Variants in KCNQ5 observed in about 807,000 individuals in gnomAD.
KCNQ5 encodes potassium voltage-gated channel subfamily KQT member 5.
Under a neutral mutation model 98.2 loss-of-function variants are expected in KCNQ5, and 30 were observed. The ratio of observed to expected loss-of-function variants is 0.31; its 90% confidence interval spans 0.23 to 0.41. KCNQ5 has a LOEUF of 0.41. KCNQ5 is among the 10% of genes least tolerant of loss of function. The pLI is 1.00. For synonymous variants in KCNQ5, 458 were observed against 449.4 expected, an observed-to-expected ratio of 1.02 and a Z score of -0.24; for missense variants, 835 against 1,182.5, an observed-to-expected ratio of 0.71 and a Z score of 4.31.
intron 1 of KCNQ5, among the ~76,000 whole-genome samples, chr6:72,704,378 C>T (rs991853839): frequency 6.6e-6 from 1 of 151,954 alleles, no homozygotes; most frequent in African/African-American, 2.4e-5. Context: ...TGCATGCTCT[C>T]TTTGTCTTTA....
chr6:72,724,732 G>C (rs1561943538), intron 1 of KCNQ5, among the ~76,000 whole-genome samples: 1 of 152,178 alleles, frequency 6.6e-6, no homozygotes, highest in Non-Finnish European at 1.5e-5. Flanking sequence ...GTAAAAGTCA[G>C]AGCTGAATGA....
At position 73,012,314 on chromosome 6, in the gene KCNQ5, A is replaced by C. The variant is rs189872496; in HGVS notation, c.489+8316A>C. On this transcript the variant is annotated intron_variant, in intron 2 of 13. Transcript: ENST00000370398. ...AGAAGGAAATTTTGACATATGCTTC[A>C]ACATGGATTAATGTTGGGGACATTA... Among the ~76,000 whole-genome samples, 102 of 152,266 alleles carry C rather than the reference A, an allele frequency of 6.7e-4. 1 individual carries two copies. Among genetic ancestry groups the C allele is most frequent in the Admixed American group, 6.5e-3 (99 of 15,272 alleles).
At chr6:73,007,636 C>G (rs185913561) in intron 2 of KCNQ5, among the ~76,000 whole-genome samples, 50 of 152,312 alleles carry the variant, frequency 3.3e-4, no homozygotes, top group African/African-American at 1.2e-3. Context: ...CCCCTACGCC[C>G]AGGCCCATTG....
At chr6:73,043,113 C>A in intron 3 of KCNQ5, 1 of 441,574 alleles carries the variant, frequency 2.3e-6, no homozygotes, top group South Asian at 1.7e-5. Context: ...TCCCTTACTC[C>A]TGTTCCCTAT....
At chr6:73,089,828 G>A (rs931352450) in intron 5 of KCNQ5, among the ~76,000 whole-genome samples, 1 of 151,926 alleles carries the variant, frequency 6.6e-6, no homozygotes, top group African/African-American at 2.4e-5. Context: ...TGGGCATTTG[G>A]GTTGGTTCCA....
chr6:72,830,265 T>C (rs537638062), intron 1 of KCNQ5, among the ~76,000 whole-genome samples: 53 of 152,168 alleles, frequency 3.5e-4, no homozygotes, highest in African/African-American at 1.2e-3. Flanking sequence ...AAAAAGAGCC[T>C]GCATTGCCAA....
At chr6:73,051,075 A>G (rs1219324556) in intron 3 of KCNQ5, among the ~76,000 whole-genome samples, 1 of 152,212 alleles carries the variant, frequency 6.6e-6, no homozygotes, top group Non-Finnish European at 1.5e-5. Context: ...GTAAGTTTTT[A>G]TTTCTCTAGG....
chr6:73,076,935 T>C (rs1268441890), intron 3 of KCNQ5, among the ~76,000 whole-genome samples: 1 of 152,128 alleles, frequency 6.6e-6, no homozygotes, highest in Non-Finnish European at 1.5e-5. Context: ...AGGCAGGAGA[T>C]CCTTTTGCCA....
intron 1 of KCNQ5, among the ~76,000 whole-genome samples, chr6:72,767,059 A>G (rs551975163): frequency 6.6e-6 from 1 of 152,148 alleles, no homozygotes; most frequent in East Asian, 1.9e-4. Flanking sequence ...GAACAATCAT[A>G]GCTAAATTTG....
At chr6:72,728,066 A>G (rs1770379314) in intron 1 of KCNQ5, among the ~76,000 whole-genome samples, 2 of 152,210 alleles carry the variant, frequency 1.3e-5, no homozygotes, top group South Asian at 2.1e-4. Flanking sequence ...AGCAAAAGTC[A>G]CATGGCCAAG....
At chr6:72,928,995 A>T (rs1213413838) in intron 1 of KCNQ5, among the ~76,000 whole-genome samples, 1 of 152,086 alleles carries the variant, frequency 6.6e-6, no homozygotes, top group Non-Finnish European at 1.5e-5. Flanking sequence ...GCTAGCTCCA[A>T]TTCCTTAAGT....
At chr6:73,054,981 C>T (rs1263587054) in intron 3 of KCNQ5, 6 of 421,658 alleles carry the variant, frequency 1.4e-5, no homozygotes, top group Non-Finnish European at 2.7e-5. Context: ...TGATAAACAA[C>T]TTCAGCAAAG....
intron 1 of KCNQ5, among the ~76,000 whole-genome samples, chr6:72,680,029 C>G (rs757875281): frequency 2.0e-5 from 3 of 152,102 alleles, no homozygotes; most frequent in South Asian, 4.1e-4. Context: ...GGTGACAGAG[C>G]AAGGCTCCAT....
chr6:72,882,118 G>T (rs1246397143), intron 1 of KCNQ5, among the ~76,000 whole-genome samples: 1 of 152,112 alleles, frequency 6.6e-6, no homozygotes, highest in East Asian at 1.9e-4. Flanking sequence ...AATTTATCTG[G>T]ACACTTGCCC....
intron 1 of KCNQ5, among the ~76,000 whole-genome samples, chr6:72,917,204 G>A (rs1780185096): frequency 6.6e-6 from 1 of 152,016 alleles, no homozygotes; most frequent in South Asian, 2.1e-4. Flanking sequence ...TATGGTGTGT[G>A]GTAGAAATAA....
At chr6:73,093,182 T>C (rs116498114) in intron 5 of KCNQ5, among the ~76,000 whole-genome samples, 7,092 of 152,274 alleles carry the variant, frequency 0.047, 195 homozygotes, top group East Asian at 0.11. Flanking sequence ...GATTTTCCAG[T>C]TTATGTGCGT....
chr6:73,134,732 C>G (rs1256853376), intron 10 of KCNQ5: 1 of 152,450 alleles, frequency 6.6e-6, no homozygotes. Context: ...CTCCTCCTGG[C>G]GGAGCTTGCA....
chr6:72,995,573 C>T (rs1239170908), intron 1 of KCNQ5, among the ~76,000 whole-genome samples: 2 of 151,960 alleles, frequency 1.3e-5, no homozygotes, highest in African/African-American at 2.4e-5. Context: ...TTGAGGGAAA[C>T]AAAGAGAAAT....
intron 1 of KCNQ5, among the ~76,000 whole-genome samples, chr6:72,860,278 TA>T (rs749747851): frequency 1.1e-4 from 16 of 152,170 alleles, no homozygotes; most frequent in Non-Finnish European, 2.2e-4. Context: ...TAGCAGACCG[TA>T]AAAAATACCT....
Sources: gnomAD v4.1 joint callset for allele counts (sites outside exome capture counted in the v4.1 genomes callset) on GRCh38, gnomAD v4.1.1 for gene constraint, MANE v1.5 for transcripts, NCBI Gene and HGNC (gene_info 2026-07-23, HGNC 2026-07-21) for gene names.